Variants in ADAMTS17 observed in about 807,000 individuals in gnomAD.
ADAMTS17 encodes the protein A disintegrin and metalloproteinase with thrombospondin motifs 17.
A neutral mutation model predicts 141.5 loss-of-function variants in ADAMTS17; 113 were observed. The ratio of observed to expected loss-of-function variants is 0.80; its 90% CI spans 0.69 to 0.93. ADAMTS17 has a LOEUF of 0.93. Among genes scored for constraint, ADAMTS17 ranks in the 40% least tolerant of loss-of-function variants. The probability of loss-of-function intolerance (pLI) is 0.00; values close to 1 mark genes in which losing one functional copy is unlikely to be tolerated. For synonymous variants in ADAMTS17, 768 were observed against 630.6 expected (o/e 1.22, Z -3.27); for missense variants, 1,659 against 1,517.9 (o/e 1.09, Z -1.54).
At chr15:100,155,001 C>T (rs562700557) in intron 9 of ADAMTS17, among the ~76,000 whole-genome samples, 179 bp downstream of exon 9, 1 of 152,334 alleles carries the variant, frequency 6.6e-6, no homozygotes, top group Admixed American at 6.5e-5. Flanking sequence ...GGAGCAGATG[C>T]GCATGTGGGA....
At chr15:100,071,689 C>T (rs899827551) in intron 15 of ADAMTS17, among the ~76,000 whole-genome samples, 4 of 150,402 alleles carry the variant, frequency 2.7e-5, no homozygotes, top group African/African-American at 9.8e-5. Flanking sequence ...GCAGAAAAGG[C>T]CTTTGACAAA....
At position 100,281,253 on chromosome 15, in the gene ADAMTS17, C is replaced by A. The variant is rs1245217988; in HGVS notation, c.765G>T (p.Arg255Ser). The part of the protein sequence containing the change: ...VQYHGAEAAQ[R>S]FILTVMNMVY... Reference sequence around the variant, plus strand: ...CCATGTTCATGACGGTCAGGATGAACCTCTGGGCGGCCTCGGCCCCGTGGT... The same window carrying A: ...CCATGTTCATGACGGTCAGGATGAAACTCTGGGCGGCCTCGGCCCCGTGGT... The change falls in exon 4 of 22, where the codon AGG becomes AGT. Residue 255 changes from arginine (R) to serine (S), a missense_variant. By Grantham distance (110) the Arg-to-Ser change is moderately radical (BLOSUM62 -1). Transcript: ENST00000268070. The A allele has an allele frequency of 2.5e-6, 4 of 1,606,438 alleles. No homozygotes were observed. Among genetic ancestry groups the A allele is most frequent in the East Asian group, 2.2e-5 (1 of 44,886 alleles).
chr15:100,267,655 G>A (rs746332222), intron 4 of ADAMTS17, among the ~76,000 whole-genome samples: 3 of 151,392 alleles, frequency 2.0e-5, no homozygotes, highest in Non-Finnish European at 4.4e-5. Context: ...CCCAGAGGTA[G>A]TTCCTCAGCC....
intron 15 of ADAMTS17, among the ~76,000 whole-genome samples, chr15:100,061,362 G>T (rs1266658902): frequency 6.6e-6 from 1 of 152,174 alleles, no homozygotes; most frequent in African/African-American, 2.4e-5. Flanking sequence ...CCCATTTAGG[G>T]AGATTAGGGA....
intron 3 of ADAMTS17, among the ~76,000 whole-genome samples, chr15:100,291,881 G>C (rs1487617925): frequency 6.6e-6 from 1 of 152,192 alleles, no homozygotes; most frequent in Non-Finnish European, 1.5e-5. Flanking sequence ...AAACCCCCAC[G>C]ATGCGATTTA....
chr15:100,203,784 A>G (rs949447085), intron 7 of ADAMTS17, among the ~76,000 whole-genome samples: 1 of 152,172 alleles, frequency 6.6e-6, no homozygotes, highest in Non-Finnish European at 1.5e-5. Flanking sequence ...CTATGGTCCC[A>G]GCTACTCTGG....
At chr15:100,032,306 T>G (rs931946174) in intron 18 of ADAMTS17, among the ~76,000 whole-genome samples, 1 of 152,160 alleles carries the variant, frequency 6.6e-6, no homozygotes, top group African/African-American at 2.4e-5. Context: ...TCAGCACCTC[T>G]CACTGCCTCA....
intron 7 of ADAMTS17, among the ~76,000 whole-genome samples, chr15:100,248,823 C>T (rs1400849296): frequency 1.4e-5 from 2 of 147,578 alleles, no homozygotes; most frequent in Admixed American, 6.7e-5. Context: ...TTTTTTGAGA[C>T]AGTCTCACTC....
chr15:100,126,822 G>C (rs1266042823), intron 12 of ADAMTS17, among the ~76,000 whole-genome samples: 3 of 152,202 alleles, frequency 2.0e-5, no homozygotes, highest in Non-Finnish European at 2.9e-5. Flanking sequence ...GTCCAAACAG[G>C]TGTGGCCTGT....
At chr15:100,154,183 G>A (rs1169969724) in intron 9 of ADAMTS17, among the ~76,000 whole-genome samples, 1 of 152,078 alleles carries the variant, frequency 6.6e-6, no homozygotes, top group Non-Finnish European at 1.5e-5. Context: ...TCCATCTCAA[G>A]AAACAAACAA....
intron 20 of ADAMTS17, among the ~76,000 whole-genome samples, chr15:99,987,426 C>T (rs1311417845): frequency 6.6e-6 from 1 of 152,178 alleles, no homozygotes; most frequent in African/African-American, 2.4e-5. Flanking sequence ...TAGTGTTCAG[C>T]CTTCTCTCTG....
chr15:100,098,109 G>A (rs1027141825), intron 14 of ADAMTS17, among the ~76,000 whole-genome samples: 2 of 152,216 alleles, frequency 1.3e-5, no homozygotes, highest in Non-Finnish European at 2.9e-5. Context: ...TTAGTGGCCA[G>A]AGGACAGCAA....
At chr15:100,074,973 A>T (rs1414054641) in intron 15 of ADAMTS17, among the ~76,000 whole-genome samples, 1 of 152,122 alleles carries the variant, frequency 6.6e-6, no homozygotes, top group East Asian at 1.9e-4. Flanking sequence ...AAAACAGTGG[A>T]GCTGTATACT....
intron 12 of ADAMTS17, among the ~76,000 whole-genome samples, chr15:100,130,192 C>T (rs766383560): frequency 1.8e-4 from 27 of 152,096 alleles, no homozygotes; most frequent in African/African-American, 6.0e-4. Flanking sequence ...GGCGAAACCC[C>T]ATCTCTACTA....
chr15:100,236,135 A>T (rs2141872260), intron 7 of ADAMTS17, among the ~76,000 whole-genome samples: 1 of 152,314 alleles, frequency 6.6e-6, no homozygotes, highest in Non-Finnish European at 1.5e-5. Flanking sequence ...ACTCAGAGCA[A>T]GAGAACACAG....
intron 3 of ADAMTS17, among the ~76,000 whole-genome samples, chr15:100,314,312 T>C (rs80321298): frequency 1.3e-5 from 2 of 152,234 alleles, no homozygotes; most frequent in Non-Finnish European, 2.9e-5. Flanking sequence ...AAAATGGAAA[T>C]GCAAATGGCG....
intron 18 of ADAMTS17, among the ~76,000 whole-genome samples, chr15:99,999,664 T>C (rs1414564296): frequency 2.0e-5 from 3 of 151,420 alleles, no homozygotes; most frequent in Non-Finnish European, 4.4e-5. Context: ...GAGAGAGGAG[T>C]GACATGTTCC....
intron 20 of ADAMTS17, chr15:99,979,619 G>A (rs2060442097): frequency 6.6e-6 from 1 of 152,184 alleles, no homozygotes; most frequent in Non-Finnish European, 1.5e-5. Context: ...TTTGAGTGAA[G>A]TCAGATACAA....
At chr15:100,200,258 C>T (rs1172757215) in intron 7 of ADAMTS17, among the ~76,000 whole-genome samples, 2 of 152,194 alleles carry the variant, frequency 1.3e-5, no homozygotes, top group Non-Finnish European at 2.9e-5. Flanking sequence ...GACGGCAGGC[C>T]AGCCACTGCA....
Sources: gnomAD v4.1 joint callset for allele counts (sites outside exome capture counted in the v4.1 genomes callset) on GRCh38, gnomAD v4.1.1 for gene constraint, MANE v1.5 for transcripts, NCBI Gene and HGNC (gene_info 2026-07-23, HGNC 2026-07-21) for gene names.